Variants in ZNF676 observed in about 807,000 individuals in gnomAD.
The protein encoded by ZNF676 is zinc finger protein 676.
In ZNF676, 4 loss-of-function variants were observed where a neutral mutation model predicts 6.0. The ratio of observed to expected loss-of-function variants is 0.67; its 90% CI spans 0.33 to 1.53. The LOEUF (loss-of-function observed/expected upper bound fraction) is 1.53, where lower values mean the gene tolerates loss of function less well. Ranked by LOEUF, ZNF676 falls within the 40% of genes most tolerant of loss-of-function variation. The pLI, the probability that ZNF676 is intolerant of heterozygous loss-of-function variation, is 0.06. For synonymous variants in ZNF676, 198 were observed against 223.1 expected, an observed-to-expected ratio of 0.89 and a Z score of 1.00; for missense variants, 644 against 679.7, an observed-to-expected ratio of 0.95 and a Z score of 0.58.
intron 1 of ZNF676, among the ~76,000 whole-genome samples, chr19:22,195,866 TTAAA>T (rs1357061861): frequency 6.6e-6 from 1 of 152,160 alleles, no homozygotes; most frequent in African/African-American, 2.4e-5. Flanking sequence ...AATTCTTGAT[TTAAA>T]TAAGCAAACT....
chr19:22,206,793 TA>T (rs1401840511), intron 1 of ZNF676, among the ~76,000 whole-genome samples: 9 of 152,130 alleles, frequency 5.9e-5, no homozygotes, highest in Non-Finnish European at 1.3e-4. Flanking sequence ...TTGTTCAACA[TA>T]CACGAATCAA....
At chr19:22,215,837 C>T (rs2024181708), upstream of ZNF676, among the ~76,000 whole-genome samples, 1 of 151,818 alleles carries the variant, frequency 6.6e-6, no homozygotes, top group Non-Finnish European at 1.5e-5. Context: ...CATTCCCAGC[C>T]CAGCATCCCT....
chr19:22,194,773 C>T (rs574034611), intron 1 of ZNF676, among the ~76,000 whole-genome samples: 58 of 152,182 alleles, frequency 3.8e-4, no homozygotes, highest in African/African-American at 5.3e-4. Context: ...CAAACAATGA[C>T]GGCATTCCCA....
At chr19:22,200,882 A>T (rs1240012763), upstream of ZNF676, among the ~76,000 whole-genome samples, 1 of 151,914 alleles carries the variant, frequency 6.6e-6, no homozygotes, top group Non-Finnish European at 1.5e-5. Context: ...ACTATATGAA[A>T]TTGAAGCAAT....
At chr19:22,259,476 A>T in the ZNF676 span, among the ~76,000 whole-genome samples, 1 of 152,186 alleles carries the variant, frequency 6.6e-6, no homozygotes, top group African/African-American at 2.4e-5. Flanking sequence ...AAAAATATGT[A>T]ACGATGATTC....
the ZNF676 span, among the ~76,000 whole-genome samples, chr19:22,260,201 C>T: frequency 5.9e-5 from 9 of 152,136 alleles, no homozygotes; most frequent in African/African-American, 1.9e-4. Flanking sequence ...AACCCCTGCC[C>T]AGCGGTGGCC....
In ZNF676 at chr19:22,191,014, C is replaced by A. The variant is rs143796725; in HGVS notation, c.130+2002G>T. The stretch of plus-strand genomic sequence containing the variant: ...AGCAAGAAAGTCTGTCAGTCATCCA[C>A]GACAAAAATGTCTTAATGAGAGAAT... On this transcript the variant is annotated intron_variant, in intron 2 of 2. Transcript: ENST00000397121. Among the ~76,000 whole-genome samples the A allele has an allele frequency of 8.3e-3, 1,255 of 152,098 alleles. 20 individuals carry two copies. The highest frequency in any genetic ancestry group is 0.028 in the African/African-American group (1,158 of 41,484).
the ZNF676 span, among the ~76,000 whole-genome samples, chr19:22,237,691 A>AGCAT: frequency 6.6e-6 from 1 of 152,214 alleles, no homozygotes; most frequent in African/African-American, 2.4e-5. Context: ...GGCTGATGGC[A>AGCAT]GCATGCATCA....
chr19:22,191,675 C>T (rs565045122), intron 2 of ZNF676, among the ~76,000 whole-genome samples: 15 of 152,244 alleles, frequency 9.9e-5, no homozygotes, highest in South Asian at 2.1e-4. Context: ...TACTGAGCAA[C>T]GTCCTGAAGG....
the ZNF676 span, among the ~76,000 whole-genome samples, chr19:22,230,708 G>A: frequency 6.6e-6 from 1 of 151,378 alleles, no homozygotes; most frequent in South Asian, 2.1e-4. Context: ...TCCCAGGCTG[G>A]AGTGCAGTGG....
the ZNF676 span, among the ~76,000 whole-genome samples, chr19:22,247,262 T>C: frequency 7.1e-4 from 108 of 152,224 alleles, no homozygotes; most frequent in African/African-American, 2.4e-3. Flanking sequence ...GTTCAAGTCC[T>C]TTCTAAGATT....
At chr19:22,216,881 G>GCCC (rs1156592388), upstream of ZNF676, among the ~76,000 whole-genome samples, 5 of 149,670 alleles carry the variant, frequency 3.3e-5, no homozygotes, top group East Asian at 1.0e-3. Flanking sequence ...GCTGCAGTGA[G>GCCC]CCCTGATCAA....
chr19:22,182,664 A>G (rs1448412451), intron 2 of ZNF676, among the ~76,000 whole-genome samples: 1 of 83,828 alleles, frequency 1.2e-5, no homozygotes, highest in Non-Finnish European at 2.4e-5. Context: ...TGTCCTGCCT[A>G]AAAGAAAAAA....
the ZNF676 span, among the ~76,000 whole-genome samples, chr19:22,238,306 C>A: frequency 6.6e-6 from 1 of 152,112 alleles, no homozygotes; most frequent in Non-Finnish European, 1.5e-5. Flanking sequence ...TGCCTCAGCA[C>A]CCCCAAAGTG....
chr19:22,229,164 T>C, the ZNF676 span, among the ~76,000 whole-genome samples: 1 of 152,052 alleles, frequency 6.6e-6, no homozygotes, highest in South Asian at 2.1e-4. Context: ...TATAGACCAA[T>C]GGAACAGAAC....
chr19:22,209,403 C>T (rs191808988), intron 1 of ZNF676, among the ~76,000 whole-genome samples: 1 of 146,668 alleles, frequency 6.8e-6, no homozygotes, highest in East Asian at 2.0e-4. Context: ...AAAACTGATA[C>T]AGAAACAGAA....
chr19:22,229,331 C>A, the ZNF676 span, among the ~76,000 whole-genome samples: 3 of 152,250 alleles, frequency 2.0e-5, no homozygotes, highest in South Asian at 6.2e-4. Context: ...CCCTTCCTTA[C>A]ACCATATACA....
the ZNF676 span, among the ~76,000 whole-genome samples, chr19:22,233,006 A>T: frequency 2.6e-5 from 4 of 152,318 alleles, no homozygotes; most frequent in East Asian, 7.7e-4. Context: ...AATAATGTTA[A>T]AGGCATTACA....
the ZNF676 span, among the ~76,000 whole-genome samples, chr19:22,241,054 G>A: frequency 5.9e-5 from 9 of 151,930 alleles, no homozygotes; most frequent in Non-Finnish European, 1.2e-4. Context: ...GCCTGACAGT[G>A]CATCACAATG....
Sources: gnomAD v4.1 joint callset for allele counts (sites outside exome capture counted in the v4.1 genomes callset) on GRCh38, gnomAD v4.1.1 for gene constraint, MANE v1.5 for transcripts, NCBI Gene and HGNC (gene_info 2026-07-23, HGNC 2026-07-21) for gene names.